The following NFS1 variants were observed in gnomAD, a reference collection of about 807,000 sequenced individuals.
The protein encoded by NFS1 is NFS1 cysteine desulfurase.
NFS1 carries 26 observed loss-of-function variants against 57.3 expected under a neutral mutation model. The ratio of observed to expected loss-of-function variants is 0.45; its 90% CI spans 0.33 to 0.63. NFS1 has a LOEUF of 0.63. Ranked by LOEUF, NFS1 falls within the 20% of genes least tolerant of loss-of-function variation. The pLI is 0.02. For synonymous variants in NFS1, 209 were observed against 216.3 expected (o/e 0.97, Z 0.30); for missense variants, 505 against 605.8 (o/e 0.83, Z 1.75).
Position 35,699,336 on chromosome 20 carries a change from C to T in NFS1, c.-48G>A. On this transcript the variant is annotated 5_prime_UTR_variant, in exon 1 of 13. Transcript: ENST00000374092. This position sits in a 1 kb window ranked among gnomAD's most constrained non-coding sequence, Gnocchi z 4.4. ...TTCCGAAGCCGCTGCAGTCCTGGGC[C>T]CCAGGCTCCCGGAAGTGCTGCCCGG... 7.2e-7 allele frequency: 1 copy of T among 1,393,592 alleles called. No homozygotes were observed. Among genetic ancestry groups the T allele is most frequent in the East Asian group, 2.8e-5 (1 of 35,246 alleles). The allele number at this position is 1,393,592 out of a possible 1,614,324, so 86.3% of individuals were successfully genotyped here. A position where few individuals can be genotyped will look rare whatever the true frequency, so the allele number is the denominator to read the frequency against.
intron 5 of NFS1, among the ~76,000 whole-genome samples, chr20:35,684,851 C>T (rs2034911916): frequency 6.6e-6 from 1 of 151,772 alleles, no homozygotes. Context: ...ACAGCTTGAG[C>T]CAAGGAGTTT....
At chr20:35,684,850 G>A (rs1390188714) in intron 5 of NFS1, among the ~76,000 whole-genome samples, 1 of 151,838 alleles carries the variant, frequency 6.6e-6, no homozygotes, top group East Asian at 1.9e-4. Context: ...GACAGCTTGA[G>A]CCAAGGAGTT....
intron 7 of NFS1, among the ~76,000 whole-genome samples, chr20:35,679,611 T>G (rs1219891552): frequency 2.0e-5 from 3 of 152,204 alleles, no homozygotes; most frequent in African/African-American, 7.2e-5. Context: ...AGCAACATTT[T>G]ATTAAAAGAC....
chr20:35,688,618 A>G (rs2034986372), intron 5 of NFS1, among the ~76,000 whole-genome samples: 1 of 152,046 alleles, frequency 6.6e-6, no homozygotes. Flanking sequence ...CTGAGGCCGC[A>G]GTGAGCTATG....
At chr20:35,672,707 G>T in intron 12 of NFS1, 48 bp downstream of exon 12, 1 of 1,279,414 alleles carries the variant, frequency 7.8e-7, no homozygotes, top group Non-Finnish European at 1.1e-6. Context: ...CAAGAGGGGA[G>T]ACAGTGCTAG....
At chr20:35,681,039 T>C (rs376331291) in intron 6 of NFS1, among the ~76,000 whole-genome samples, 168 bp from the exon 7 acceptor site, 3 of 145,928 alleles carry the variant, frequency 2.1e-5, no homozygotes, top group African/African-American at 7.5e-5. Context: ...CTCCTCCCCC[T>C]TCCCCCTTCC....
intron 7 of NFS1, among the ~76,000 whole-genome samples, chr20:35,677,840 G>A (rs1269420717): frequency 1.3e-5 from 2 of 152,164 alleles, no homozygotes; most frequent in Non-Finnish European, 2.9e-5. Flanking sequence ...AGACTGAGGC[G>A]GGAGGGTTGC....
Position 35,699,306 on chromosome 20 carries a change from C to A in NFS1, c.-18G>T, listed in dbSNP as rs1358074447. 2 of 1,398,240 alleles carry A rather than the reference C, an allele frequency of 1.4e-6. No individual in the cohort carries two copies. The highest frequency in any genetic ancestry group is 1.8e-6 in the Non-Finnish European group (2 of 1,083,794). The allele number at this position is 1,398,240 out of a possible 1,614,324, so 86.6% of individuals were successfully genotyped here. ...AGCAGCATGGTCCCGCTGGCAGAGC[C>A]CACCTTCCGAAGCCGCTGCAGTCCT... On this transcript the variant is annotated 5_prime_UTR_variant, in exon 1 of 13. Coordinates refer to ENST00000374092, the MANE Select transcript of NFS1 (RefSeq NM_021100.5). This position sits in a 1 kb window ranked among gnomAD's most constrained non-coding sequence, Gnocchi z 4.4.
intron 12 of NFS1, among the ~76,000 whole-genome samples, chr20:35,672,215 C>T (rs930193150): frequency 3.3e-5 from 5 of 152,090 alleles, no homozygotes; most frequent in East Asian, 1.9e-4. Context: ...ACCTCAGCCT[C>T]CCAGAGTGCT....
At position 35,673,659 on chromosome 20, in the gene NFS1, G is replaced by C; in HGVS notation, c.1162C>G (p.Pro388Ala). Residue 388 changes from proline (P) to alanine (A), a missense_variant, in exon 11 of 13, where the codon CCC becomes GCC. Pro to Ala is a conservative substitution (Grantham distance 27). Coordinates refer to ENST00000374092, the MANE Select transcript of NFS1 (RefSeq NM_021100.5). ...GSACTSASLE[P>A]SYVLRAIGTD... Reference sequence around the variant, plus strand: ...CCAATTGCTCTAAGCACATAAGAGGGCTCCAGGGATGCAGAGGTGCAGGCA... The same window carrying C: ...CCAATTGCTCTAAGCACATAAGAGGCCTCCAGGGATGCAGAGGTGCAGGCA... 6.2e-7 allele frequency: 1 copy of C among 1,613,880 alleles called. No individual in the cohort carries two copies. The highest frequency in any genetic ancestry group is 1.3e-5 in the African/African-American group (1 of 75,040).
At chr20:35,678,548 A>G (rs7268897) in intron 7 of NFS1, among the ~76,000 whole-genome samples, 5,997 of 148,002 alleles carry the variant, frequency 0.041, 144 homozygotes, top group African/African-American at 0.066. Flanking sequence ...AAAAAAAAAA[A>G]TTAGCCAGGC....
intron 7 of NFS1, among the ~76,000 whole-genome samples, chr20:35,679,478 A>G (rs997598395): frequency 6.6e-6 from 1 of 152,150 alleles, no homozygotes; most frequent in African/African-American, 2.4e-5. Context: ...CACCGTGCCC[A>G]GCCCATGAGA....
intron 5 of NFS1, among the ~76,000 whole-genome samples, chr20:35,683,256 G>A (rs2146423402): frequency 6.6e-6 from 1 of 152,156 alleles, no homozygotes; most frequent in African/African-American, 2.4e-5. Flanking sequence ...GGCGGAGGCG[G>A]GTGGATCAGA....
chr20:35,691,775 G>A (rs1214572620), intron 4 of NFS1, among the ~76,000 whole-genome samples: 1 of 148,434 alleles, frequency 6.7e-6, no homozygotes, highest in Non-Finnish European at 1.5e-5. Context: ...AGAACGCCAG[G>A]TGCAGTGGCT....
intron 1 of NFS1, chr20:35,698,847 G>A: frequency 3.7e-6 from 5 of 1,354,624 alleles, no homozygotes; most frequent in South Asian, 1.9e-5. Context: ...GCTCTAAAGG[G>A]CAAAGACGTT....
Position 35,698,492 on chromosome 20 carries a change from T to C in NFS1, c.196A>G (p.Thr66Ala). Residue 66 changes from threonine (T) to alanine (A), a missense_variant, in exon 2 of 13, where the codon ACA (threonine) becomes GCA (alanine). Physicochemically the swap from Thr to Ala is moderately conservative, Grantham distance 58. Transcript: ENST00000374092. ...LRPLYMDVQATTPLDPRVLDA... is the reference protein window; with the variant it reads ...LRPLYMDVQAATPLDPRVLDA... ...AGCTTCATCCTTACCAGAGGAGTTG[T>C]AGCTTGCACATCCATATAGAGAGGT... 6.2e-7 allele frequency: 1 copy of C among 1,610,364 alleles called. No homozygotes were observed. Among genetic ancestry groups the C allele is most frequent in the Non-Finnish European group, 8.5e-7 (1 of 1,178,248 alleles).
In NFS1 at chr20:35,699,197, A is replaced by G; in HGVS notation, c.92T>C (p.Leu31Pro). The G allele has an allele frequency of 7.1e-7, 1 of 1,411,802 alleles. No individual in the cohort carries two copies. The allele number at this position is 1,411,802 out of a possible 1,614,324, so 87.5% of individuals were successfully genotyped here. A position where few individuals can be genotyped will look rare whatever the true frequency, so the allele number is the denominator to read the frequency against. Residue 31 changes from leucine (L) to proline (P), a missense_variant, in exon 1 of 13, where the codon CTG becomes CCG. Coordinates refer to ENST00000374092, the MANE Select transcript of NFS1 (RefSeq NM_021100.5). The surrounding 1 kb of genome is among the most constrained non-coding windows in gnomAD (Gnocchi z 4.4). ...AGAGCGGGACCCGAGCGTACCGCGC[A>G]GGCGCAGCCCCCGAGTGGGCGCCGC... ...KPAAPTRGLR[L>P]RVGDRAPQSA...
intron 1 of NFS1, chr20:35,698,855 G>A (rs1171831669): frequency 1.3e-5 from 18 of 1,346,282 alleles, no homozygotes; most frequent in Non-Finnish European, 1.7e-5. Flanking sequence ...GGGCAAAGAC[G>A]TTTAGAAGGA....
chr20:35,685,515 A>G (rs891436418), intron 5 of NFS1, among the ~76,000 whole-genome samples: 45 of 142,474 alleles, frequency 3.2e-4, no homozygotes, highest in Middle Eastern at 4.2e-3. Context: ...GAGCAAGACC[A>G]TGTCTCATAA....
Sources: gnomAD v4.1 joint callset for allele counts (sites outside exome capture counted in the v4.1 genomes callset) on GRCh38, gnomAD v4.1.1 for gene constraint, Gnocchi (gnomAD v3.1) non-coding constraint, MANE v1.5 for transcripts, NCBI Gene and HGNC (gene_info 2026-07-23, HGNC 2026-07-21) for gene names.